PTK2B: variants seen among roughly 807,000 people sequenced by gnomAD.
PTK2B encodes protein-tyrosine kinase 2-beta.
Under a neutral mutation model 142.9 loss-of-function variants are expected in PTK2B, and 71 were observed. The ratio of observed to expected loss-of-function variants is 0.50; its 90% CI spans 0.41 to 0.61. The LOEUF (loss-of-function observed/expected upper bound fraction) is 0.61, where lower values mean the gene tolerates loss of function less well. PTK2B is among the 20% of genes least tolerant of loss of function. The pLI is 0.00. For synonymous variants in PTK2B, 519 were observed against 503.4 expected (o/e 1.03, Z -0.42); for missense variants, 1,105 against 1,320.4 (o/e 0.84, Z 2.53).
intron 1 of PTK2B, among the ~76,000 whole-genome samples, chr8:27,392,386 T>C (rs537780745): frequency 1.3e-5 from 2 of 151,970 alleles, no homozygotes; most frequent in South Asian, 2.1e-4. Context: ...AGACAAGATT[T>C]TGGAAAAAAG....
intron 1 of PTK2B, among the ~76,000 whole-genome samples, chr8:27,397,176 G>C (rs1563250772): frequency 6.6e-6 from 1 of 152,088 alleles, no homozygotes; most frequent in Admixed American, 6.5e-5. Flanking sequence ...TGCTTTTTCT[G>C]CTCAGCTGTG....
chr8:27,445,978 G>A (rs1003908285), intron 24 of PTK2B, 59 bp downstream of exon 24: 14 of 1,603,946 alleles, frequency 8.7e-6, no homozygotes, highest in African/African-American at 1.3e-5. Context: ...GGAGGGAGGT[G>A]GCCGGGGACA....
intron 24 of PTK2B, 145 bp downstream of exon 24, chr8:27,446,064 CTG>C: frequency 8.0e-7 from 1 of 1,250,574 alleles, no homozygotes; most frequent in Non-Finnish European, 1.1e-6. Context: ...AGGTGGCACT[CTG>C]TGACTTCCTT....
chr8:27,391,781 T>C (rs1807741052), intron 1 of PTK2B, among the ~76,000 whole-genome samples: 1 of 152,250 alleles, frequency 6.6e-6, no homozygotes. Flanking sequence ...TTGCAGATTT[T>C]GGCCAAGAAG....
At chr8:27,366,115 G>C (rs960479138) in intron 1 of PTK2B, among the ~76,000 whole-genome samples, 5 of 152,202 alleles carry the variant, frequency 3.3e-5, no homozygotes, top group Admixed American at 3.3e-4. Flanking sequence ...GCTACTTCCT[G>C]TGATTGACAG....
In PTK2B at chr8:27,378,016, GA is replaced by G. The variant is rs530004025; in HGVS notation, c.-37-19530del. ...GGTTCCCTCACTTGTAAAAACGAGGGAAGTAAAAACAAATTATCTGACATTC... is the reference window on the plus strand; with the variant it reads ...GGTTCCCTCACTTGTAAAAACGAGGGAGTAAAAACAAATTATCTGACATTC... On this transcript the variant is annotated intron_variant, in intron 1 of 30. Transcript: ENST00000346049. Among the ~76,000 whole-genome samples, 382 of 152,352 alleles carry G rather than the reference GA, an allele frequency of 2.5e-3. 1 individual carries two copies. The highest frequency in any genetic ancestry group is 9.0e-3 in the African/African-American group (376 of 41,586).
At chr8:27,341,508 G>C (rs908758820) in intron 1 of PTK2B, among the ~76,000 whole-genome samples, 2 of 152,204 alleles carry the variant, frequency 1.3e-5, no homozygotes, top group Non-Finnish European at 2.9e-5. Context: ...AAAGAGCTGA[G>C]TGAGTGGAGG....
chr8:27,374,417 A>G (rs1806542105), intron 1 of PTK2B, among the ~76,000 whole-genome samples: 1 of 152,258 alleles, frequency 6.6e-6, no homozygotes, highest in Admixed American at 6.5e-5. Flanking sequence ...AGCACACCAC[A>G]TAGGGCCCCG....
At chr8:27,434,209 G>A in intron 12 of PTK2B, 77 bp downstream of exon 12, 2 of 1,528,890 alleles carry the variant, frequency 1.3e-6, no homozygotes, top group Non-Finnish European at 1.8e-6. Flanking sequence ...TAAACTGGGA[G>A]TCCCCACCTC....
At chr8:27,420,573 G>A (rs1395482998) in intron 3 of PTK2B, 84 bp from the exon 4 acceptor site, 3 of 1,315,844 alleles carry the variant, frequency 2.3e-6, no homozygotes, top group Non-Finnish European at 3.3e-6. Flanking sequence ...TAGGGGATGG[G>A]CTTGCTTCTG....
In PTK2B at chr8:27,384,069, C is replaced by T. The variant is rs141393460; in HGVS notation, c.-37-13479C>T. 5.1e-3 allele frequency among the ~76,000 whole-genome samples: 778 copies of T among 151,792 alleles called. 4 individuals are homozygous for T. The highest frequency in any genetic ancestry group is 0.018 in the African/African-American group (727 of 41,378). ...TTCTCCATGTTGGTCAGGCTGATCT[C>T]GAACTCCCGACCTCAGGTGATCCTC... On this transcript the variant is annotated intron_variant, in intron 1 of 30. Coordinates refer to ENST00000346049, the MANE Select transcript of PTK2B (RefSeq NM_173176.3).
chr8:27,430,255 T>C lies in PTK2B; in HGVS notation c.614+100T>C, dbSNP rs779100237. On this transcript the variant is annotated intron_variant, in intron 6 of 30. Coordinates refer to ENST00000346049, the MANE Select transcript of PTK2B (RefSeq NM_173176.3). Reference sequence around the variant, plus strand: ...CACCCCTCCCCAGACCAGAGCCACATAGGGCCGTCTCTAGGTCCCAAAGCC... The same window carrying C: ...CACCCCTCCCCAGACCAGAGCCACACAGGGCCGTCTCTAGGTCCCAAAGCC... The C allele has an allele frequency of 2.2e-5, 34 of 1,578,726 alleles. No individual in the cohort carries two copies. In the East Asian group the frequency reaches 2.9e-4, roughly 14 times the overall value.
upstream of PTK2B, among the ~76,000 whole-genome samples, chr8:27,320,980 C>CTTT (rs776395346): frequency 0.022 from 865 of 39,334 alleles, 218 homozygotes; most frequent in Non-Finnish European, 0.033. Flanking sequence ...ATACAAAAGG[C>CTTT]TTTTTTTTTT....
At chr8:27,393,814 C>G (rs1807874489) in intron 1 of PTK2B, among the ~76,000 whole-genome samples, 1 of 152,096 alleles carries the variant, frequency 6.6e-6, no homozygotes, top group Admixed American at 6.5e-5. Context: ...GCGCATTTGT[C>G]ACAGTCCATG....
chr8:27,347,944 T>C lies in PTK2B; in HGVS notation c.-38+22263T>C, dbSNP rs551532803. 2.6e-5 allele frequency among the ~76,000 whole-genome samples: 4 copies of C among 152,314 alleles called. No individual in the cohort carries two copies. In the East Asian group the frequency reaches 7.7e-4, roughly 29 times the overall value. On this transcript the variant is annotated intron_variant, in intron 1 of 30. Transcript: ENST00000346049. ...TCATGCCAAGCAGGTGTCCAGTCTG[T>C]TTAAACACCCACAGAGATGGGGAGC...
intron 1 of PTK2B, among the ~76,000 whole-genome samples, chr8:27,344,704 C>T (rs188371187): frequency 6.6e-6 from 1 of 152,232 alleles, no homozygotes; most frequent in African/African-American, 2.4e-5. Flanking sequence ...CTGTCTACAC[C>T]AGGTGTAAAC....
In PTK2B at chr8:27,431,023, G is replaced by A; in HGVS notation, c.810+7G>A. The A allele has an allele frequency of 6.2e-7, 1 of 1,611,136 alleles. No homozygotes were observed. On this transcript the variant is annotated splice_region_variant and intron_variant, in intron 8 of 30. Coordinates refer to ENST00000346049, the MANE Select transcript of PTK2B (RefSeq NM_173176.3). ...CTACCGCTGTGAACTCATTGTAATG[G>A]CGGGCTCTCTTGATCCTCTCCCTGA...
Position 27,432,358 on chromosome 8 carries a change from C to G in PTK2B, c.984C>G (p.Pro328=). The G allele has an allele frequency of 6.2e-7, 1 of 1,613,524 alleles. No individual in the cohort carries two copies. Among genetic ancestry groups the G allele is most frequent in the Non-Finnish European group, 8.5e-7 (1 of 1,179,920 alleles). ...TTCAGCTGGGCATTGAAGGTGCCCC[C>G]CAGGTGAGTGTCTCTGGGCACTGGG... ...AVLQLGIEGA[P]QALSIKTSSL... The change falls in exon 10 of 31, where the codon CCC becomes CCG. Residue 328 remains proline (P), a synonymous_variant. Transcript: ENST00000346049.
intron 10 of PTK2B, 36 bp from the exon 11 acceptor site, chr8:27,433,399 C>T: frequency 6.4e-7 from 1 of 1,567,298 alleles, no homozygotes; most frequent in Non-Finnish European, 8.8e-7. Context: ...AGCCAAGGCT[C>T]TGGGGTCTCA....
Sources: allele counts gnomAD v4.1 joint callset (sites outside exome capture counted in the v4.1 genomes callset), GRCh38; gene constraint gnomAD v4.1.1; transcripts MANE v1.5; gene names NCBI Gene and HGNC (gene_info 2026-07-23, HGNC 2026-07-21).